The following CFAP92 variants were observed in gnomAD, a reference collection of about 807,000 sequenced individuals.
The protein encoded by CFAP92 is cilia and flagella associated protein 92 (putative).
Under a neutral mutation model 106.3 loss-of-function variants are expected in CFAP92, and 86 were observed. The ratio of observed to expected loss-of-function variants is 0.81; its 90% CI spans 0.68 to 0.97. The LOEUF (loss-of-function observed/expected upper bound fraction) is 0.97, where lower values mean the gene tolerates loss of function less well. Among genes scored for constraint, CFAP92 ranks in the 50% least tolerant of loss-of-function variants. CFAP92 has a pLI of 0.00. For missense variants in CFAP92, 1,204 were observed against 1,283.8 expected (o/e 0.94, Z 0.95); for synonymous variants, 477 against 506.4 (o/e 0.94, Z 0.78).
the CFAP92 span, among the ~76,000 whole-genome samples, chr3:129,014,263 G>A: frequency 2.0e-5 from 3 of 152,236 alleles, no homozygotes; most frequent in Non-Finnish European, 2.9e-5. The surrounding 1 kb of genome is among the most constrained non-coding windows in gnomAD (Gnocchi z 4.3). Context: ...CTAAGCGGGT[G>A]GACGAGGGGA....
At chr3:128,923,282 T>C (rs913352966) in intron 12 of CFAP92, among the ~76,000 whole-genome samples, 90 of 152,214 alleles carry the variant, frequency 5.9e-4, no homozygotes, top group Admixed American at 5.9e-3. Context: ...AATGCGAAGA[T>C]GGAATGAGGA....
At chr3:128,958,400 G>A (rs1010050116) in intron 9 of CFAP92, among the ~76,000 whole-genome samples, 1 of 152,108 alleles carries the variant, frequency 6.6e-6, no homozygotes, top group African/African-American at 2.4e-5. Context: ...ACAATAAAAT[G>A]GCACAGACCT....
upstream of CFAP92, chr3:129,003,922 C>G: frequency 7.3e-7 from 1 of 1,368,732 alleles, no homozygotes; most frequent in Non-Finnish European, 9.4e-7. Context: ...GGCGGCTGCG[C>G]CGTGGCCAGG....
At chr3:128,941,796 ATATAT>A (rs1210143288) in intron 10 of CFAP92, among the ~76,000 whole-genome samples, 1 of 152,110 alleles carries the variant, frequency 6.6e-6, no homozygotes, top group African/African-American at 2.4e-5. Context: ...AATTTAGATA[ATATAT>A]TATTTTCATT....
chr3:128,925,006 T>C (rs1421682201), intron 12 of CFAP92, among the ~76,000 whole-genome samples: 3 of 152,208 alleles, frequency 2.0e-5, no homozygotes, highest in Non-Finnish European at 4.4e-5. Flanking sequence ...TCTTAACTTG[T>C]TTTGTCTCAT....
rs772157012 is a variant in CFAP92, at chr3:128,945,995, C to T, written c.1354-20G>A. 4.7e-5 allele frequency: 67 copies of T among 1,410,746 alleles called. No homozygotes were observed. Among genetic ancestry groups the T allele is most frequent in the South Asian group, 1.1e-4 (7 of 61,270 alleles). The allele number at this position is 1,410,746 out of a possible 1,614,324, so 87.4% of individuals were successfully genotyped here. On this transcript the variant is annotated intron_variant, in intron 9 of 15. Transcript: ENST00000645291. Reference sequence around the variant, plus strand: ...CAGCCTCTACGAGAGAGCAGGGCCACAGCAGGTCACCCAGCCACAAGGACA... The same window carrying T: ...CAGCCTCTACGAGAGAGCAGGGCCATAGCAGGTCACCCAGCCACAAGGACA...
At chr3:128,942,677 A>G (rs73865506) in intron 10 of CFAP92, among the ~76,000 whole-genome samples, 3,157 of 140,662 alleles carry the variant, frequency 0.022, 106 homozygotes, top group African/African-American at 0.077. Context: ...ACAAAACTCA[A>G]TCTTTTTTTT....
Position 128,978,046 on chromosome 3 carries a change from T to C in CFAP92, c.807A>G (p.Gln269=), listed in dbSNP as rs1301337154. Residue 269 remains glutamine, a splice_region_variant and synonymous_variant, in exon 5 of 16, where the codon CAA becomes CAG. Coordinates refer to ENST00000645291, the MANE Select transcript of CFAP92 (RefSeq NM_001394090.1). The part of the protein sequence containing the change: ...EKTEKHPKSL[Q]GSHQAEPETS... ...TCCACAAAGGCCTTCTCCGCTCACC[T>C]TGCAAAGACTTTGGGTGTTTTTCTG... 3 of 1,613,954 alleles carry C rather than the reference T, an allele frequency of 1.9e-6. No individual in the cohort carries two copies. Among genetic ancestry groups the C allele is most frequent in the East Asian group, 2.2e-5 (1 of 44,884 alleles).
At chr3:129,004,032 T>C (rs773242029), upstream of CFAP92, 1 of 1,511,054 alleles carries the variant, frequency 6.6e-7, no homozygotes, top group South Asian at 1.2e-5. Context: ...GTGCCCGGCT[T>C]GCAGCGCTGG....
chr3:128,992,583 T>A lies in CFAP92; in HGVS notation c.262+460A>T, dbSNP rs866188019. On this transcript the variant is annotated intron_variant, in intron 2 of 15. Transcript: ENST00000645291. ...CTCAATAAAAAAAGAATTATTATTT[T>A]TTTTTTTTTTGACAGAGTTTTGCTC... Among the ~76,000 whole-genome samples the A allele has an allele frequency of 5.4e-3, 812 of 151,554 alleles. 9 individuals are homozygous for A. The highest frequency in any genetic ancestry group is 0.019 in the African/African-American group (780 of 41,292).
chr3:128,937,066 C>G (rs1939095036), intron 10 of CFAP92, among the ~76,000 whole-genome samples: 1 of 151,954 alleles, frequency 6.6e-6, no homozygotes, highest in South Asian at 2.1e-4. Context: ...TTTGGGAGGT[C>G]GAGGTGGGCA....
chr3:128,919,080 T>C (rs1937057531), intron 12 of CFAP92, among the ~76,000 whole-genome samples: 1 of 151,650 alleles, frequency 6.6e-6, no homozygotes, highest in Non-Finnish European at 1.5e-5. Context: ...CCCAAGTAGC[T>C]GGGATTACAG....
At chr3:128,966,174 TAAATA>T (rs1269303248) in intron 8 of CFAP92, among the ~76,000 whole-genome samples, 5 of 152,194 alleles carry the variant, frequency 3.3e-5, no homozygotes, top group African/African-American at 1.2e-4. Context: ...TAATTAAAAT[TAAATA>T]AGATATAAAA....
chr3:128,940,721 C>T (rs1488942184), intron 10 of CFAP92, among the ~76,000 whole-genome samples: 3 of 152,072 alleles, frequency 2.0e-5, no homozygotes, highest in Admixed American at 6.6e-5. Flanking sequence ...CAATACCACA[C>T]TATCTTAATG....
chr3:128,991,963 G>A (rs115495700), intron 2 of CFAP92: 9,918 of 799,912 alleles, frequency 0.012, 97 homozygotes, highest in Middle Eastern at 0.024. Context: ...TAGCAGGTGG[G>A]AGACACTCAA....
At chr3:128,922,812 G>A (rs183965577) in intron 12 of CFAP92, among the ~76,000 whole-genome samples, 1 of 152,188 alleles carries the variant, frequency 6.6e-6, no homozygotes. Flanking sequence ...ACAATGGAGT[G>A]CCCACCAAAC....
At chr3:128,975,426 G>GGGAT (rs142490124) in intron 7 of CFAP92, among the ~76,000 whole-genome samples, 1,809 of 149,050 alleles carry the variant, frequency 0.012, 13 homozygotes, top group Middle Eastern at 0.058. Flanking sequence ...TGGATGGATA[G>GGGAT]GGATGGATGG....
chr3:129,017,867 C>G, the CFAP92 span, among the ~76,000 whole-genome samples: 2 of 152,162 alleles, frequency 1.3e-5, no homozygotes, highest in Admixed American at 1.3e-4. Context: ...ATTCTGCCCA[C>G]CCCCGTGAGG....
chr3:128,915,201 C>T lies in CFAP92; in HGVS notation c.3198G>A (p.Arg1066=), dbSNP rs2107677084. Residue 1066 remains arginine (R), a synonymous_variant, in exon 15 of 16, where the codon AGG becomes AGA. Coordinates refer to ENST00000645291, the MANE Select transcript of CFAP92 (RefSeq NM_001394090.1). ...VLDRDRWSWD[R]HHVDFDLYKK... The stretch of plus-strand genomic sequence containing the variant: ...TGTACAGATCAAAGTCCACGTGGTG[C>T]CTGTCCCAGCTCCACCTGTCTCGAT... The T allele has an allele frequency of 1.0e-5, 16 of 1,536,120 alleles. No individual in the cohort carries two copies. Among genetic ancestry groups the T allele is most frequent in the Non-Finnish European group, 1.3e-5 (15 of 1,146,914 alleles).
Sources: allele counts gnomAD v4.1 joint callset (sites outside exome capture counted in the v4.1 genomes callset), GRCh38; gene constraint gnomAD v4.1.1; non-coding constraint Gnocchi (gnomAD v3.1); transcripts MANE v1.5; gene names NCBI Gene and HGNC (gene_info 2026-07-23, HGNC 2026-07-21).